The following CFAP54 variants were observed in gnomAD, a reference collection of about 807,000 sequenced individuals.
CFAP54 encodes the protein cilia- and flagella-associated protein 54.
A neutral mutation model predicts 370.4 loss-of-function variants in CFAP54; 290 were observed. The observed-to-expected ratio is 0.78, with a 90% CI of 0.71 to 0.86. The LOEUF (loss-of-function observed/expected upper bound fraction) is 0.86. Ranked by LOEUF, CFAP54 falls within the 40% of genes least tolerant of loss-of-function variation. The pLI is 0.00. For missense variants in CFAP54, 3,399 were observed against 3,528.7 expected (o/e 0.96, Z 0.93); for synonymous variants, 1,206 against 1,236.5 (o/e 0.98, Z 0.52).
chr12:96,599,262 G>A (rs1956214864), intron 26 of CFAP54, among the ~76,000 whole-genome samples: 1 of 146,494 alleles, frequency 6.8e-6, no homozygotes, highest in South Asian at 2.2e-4. Flanking sequence ...TATGGTGTTT[G>A]GTTTTCTGTC....
At chr12:96,513,077 C>G (rs1247037087) in intron 5 of CFAP54, 33 bp downstream of exon 5, 42 of 1,342,804 alleles carry the variant, frequency 3.1e-5, no homozygotes, top group Non-Finnish European at 6.0e-6. Context: ...ATTTTCCCCT[C>G]TATTTCCTGT....
intron 48 of CFAP54, among the ~76,000 whole-genome samples, chr12:96,716,305 T>G (rs967936189): frequency 6.6e-6 from 1 of 152,274 alleles, no homozygotes; most frequent in African/African-American, 2.4e-5. Flanking sequence ...TGGAGATGTT[T>G]CTCTTAATTC....
At chr12:96,815,926 T>C (rs1487841539) in intron 64 of CFAP54, among the ~76,000 whole-genome samples, 1 of 152,222 alleles carries the variant, frequency 6.6e-6, no homozygotes, top group Non-Finnish European at 1.5e-5. Flanking sequence ...TCTATGTACC[T>C]GTTTTGGTAC....
chr12:96,603,427 A>G (rs1035293801), intron 26 of CFAP54, among the ~76,000 whole-genome samples: 5 of 152,046 alleles, frequency 3.3e-5, no homozygotes, highest in Non-Finnish European at 7.4e-5. Flanking sequence ...TCTGACAATT[A>G]TGTGTCTTGG....
intron 66 of CFAP54, among the ~76,000 whole-genome samples, chr12:96,856,154 C>T (rs1959698199): frequency 6.6e-6 from 1 of 152,142 alleles, no homozygotes; most frequent in African/African-American, 2.4e-5. Flanking sequence ...GACCCCAAGT[C>T]CCTAGGCTGC....
chr12:96,752,667 C>T (rs1246253941), intron 55 of CFAP54, among the ~76,000 whole-genome samples: 2 of 152,214 alleles, frequency 1.3e-5, no homozygotes, highest in Admixed American at 6.5e-5. Context: ...GATGGTTTCC[C>T]TAACTCCCCC....
At chr12:96,647,493 A>AAAAAAAAAAAG (rs1423964032) in intron 33 of CFAP54, among the ~76,000 whole-genome samples, 2 of 149,452 alleles carry the variant, frequency 1.3e-5, no homozygotes, top group South Asian at 2.1e-4. Flanking sequence ...AAAAAAAAAA[A>AAAAAAAAAAAG]AAAGAAATGC....
At chr12:96,560,126 G>C (rs910983485) in intron 17 of CFAP54, among the ~76,000 whole-genome samples, 5 of 152,104 alleles carry the variant, frequency 3.3e-5, no homozygotes, top group Non-Finnish European at 7.4e-5. Context: ...TATTTGTGTT[G>C]AGAACATCTC....
chr12:96,626,924 A>G lies in CFAP54; in HGVS notation c.4088A>G (p.His1363Arg). ...HLMVEVTTPVHDFLKRRNESL... is the reference protein window; with the variant it reads ...HLMVEVTTPVRDFLKRRNESL... ...ATGGTAGAGGTAACAACTCCTGTCC[A>G]TGACTTCTTGAAAAGGTACTTGCAA... Residue 1363 changes from histidine to arginine, a missense_variant, in exon 30 of 68, where the codon CAT becomes CGT. His to Arg is a conservative substitution (Grantham distance 29). Around this residue, in one of 3 missense-constraint regions of CFAP54, gnomAD observed 2,796 missense variants for 2,869.7 expected, o/e 0.97. Coordinates refer to ENST00000524981, the MANE Select transcript of CFAP54 (RefSeq NM_001306084.2). 2.9e-6 allele frequency: 4 copies of G among 1,388,686 alleles called. No homozygotes were observed. The highest frequency in any genetic ancestry group is 2.8e-6 in the Non-Finnish European group (3 of 1,063,014). The allele number at this position is 1,388,686 out of a possible 1,614,324, so 86.0% of individuals were successfully genotyped here. A position where few individuals can be genotyped will look rare whatever the true frequency, so the allele number is the denominator to read the frequency against.
intron 47 of CFAP54, among the ~76,000 whole-genome samples, chr12:96,705,867 G>T (rs1358119628): frequency 6.6e-6 from 1 of 152,108 alleles, no homozygotes; most frequent in East Asian, 1.9e-4. Context: ...ATCACTGTTT[G>T]CTGTAGAGAG....
intron 65 of CFAP54, among the ~76,000 whole-genome samples, chr12:96,820,617 C>T (rs1000848054): frequency 6.6e-6 from 1 of 152,196 alleles, no homozygotes; most frequent in Non-Finnish European, 1.5e-5. Flanking sequence ...TCAGTGTCCT[C>T]CAATGTTGCA....
chr12:96,666,963 T>C (rs1282214426), intron 39 of CFAP54, among the ~76,000 whole-genome samples: 2 of 152,044 alleles, frequency 1.3e-5, no homozygotes, highest in Non-Finnish European at 2.9e-5. Flanking sequence ...ACAGTGGGGG[T>C]ACAGGCATTG....
At chr12:96,742,124 A>G (rs981961996) in intron 51 of CFAP54, among the ~76,000 whole-genome samples, 4 of 152,230 alleles carry the variant, frequency 2.6e-5, no homozygotes, top group African/African-American at 9.6e-5. Flanking sequence ...TTTTAATGAC[A>G]CAGAAACTGC....
rs1958387033 is a variant in CFAP54 at position 96,765,120 on chromosome 12, A to G, written c.8183A>G (p.Lys2728Arg). ...GCAATTAACTTACTTATTGGAAAGA[A>G]GAATACTAGAATGCATAAAGTTAAC... ...VLAINLLIGK[K>R]NTRMHKVNQV... The change falls in exon 60 of 68, where the codon AAG (lysine) becomes AGG (arginine). Residue 2728 changes from lysine (K) to arginine (R), a missense_variant. Around this residue, in one of 3 missense-constraint regions of CFAP54, gnomAD observed 2,796 missense variants for 2,869.7 expected, o/e 0.97. Coordinates refer to ENST00000524981, the MANE Select transcript of CFAP54 (RefSeq NM_001306084.2). The G allele has an allele frequency of 6.6e-7, 1 of 1,508,618 alleles. No homozygotes were observed. Among genetic ancestry groups the G allele is most frequent in the Non-Finnish European group, 9.0e-7 (1 of 1,110,342 alleles). 93.5% of individuals were successfully genotyped at this position (1,508,618 alleles called of 1,614,324 possible). A position where few individuals can be genotyped will look rare whatever the true frequency, so the allele number is the denominator to read the frequency against.
chr12:96,591,752 A>G (rs892886244), intron 23 of CFAP54, among the ~76,000 whole-genome samples: 8 of 151,396 alleles, frequency 5.3e-5, no homozygotes, highest in Non-Finnish European at 8.8e-5. Context: ...TTAGCCGGGC[A>G]TGGTGGCGCG....
At chr12:96,545,034 C>G (rs1460801549) in intron 14 of CFAP54, among the ~76,000 whole-genome samples, 1 of 152,122 alleles carries the variant, frequency 6.6e-6, no homozygotes, top group Non-Finnish European at 1.5e-5. Flanking sequence ...GCCTCAGCCT[C>G]CCGAGTAGCT....
chr12:96,610,128 A>G (rs1246771006), intron 26 of CFAP54, among the ~76,000 whole-genome samples: 2 of 152,392 alleles, frequency 1.3e-5, no homozygotes, highest in East Asian at 1.9e-4. Flanking sequence ...GCAATAGAAT[A>G]GAGAGTCCAG....
intron 60 of CFAP54, among the ~76,000 whole-genome samples, chr12:96,767,279 A>G (rs1040993400): frequency 6.6e-6 from 1 of 152,220 alleles, no homozygotes; most frequent in African/African-American, 2.4e-5. Flanking sequence ...AAAGAACCAT[A>G]GAAAAGACAC....
intron 66 of CFAP54, among the ~76,000 whole-genome samples, chr12:96,850,004 C>A (rs899272439): frequency 6.6e-6 from 1 of 152,080 alleles, no homozygotes; most frequent in Non-Finnish European, 1.5e-5. Context: ...AACAAGCAAG[C>A]AAACATAAAA....
Sources: allele counts gnomAD v4.1 joint callset (sites outside exome capture counted in the v4.1 genomes callset), GRCh38; gene constraint gnomAD v4.1.1; regional missense constraint gnomAD v4.1.1; transcripts MANE v1.5; gene names NCBI Gene and HGNC (gene_info 2026-07-23, HGNC 2026-07-21).